UST: variants seen among roughly 807,000 people sequenced by gnomAD.
UST encodes the protein chondroitin sulfate 2-O-sulfotransferase.
Under a neutral mutation model 45.6 loss-of-function variants are expected in UST, and 21 were observed. That is an observed-to-expected ratio of 0.46 (90% confidence interval 0.33 to 0.66). UST has a LOEUF of 0.66. Among genes scored for constraint, UST ranks in the 30% least tolerant of loss-of-function variants. The pLI is 0.02. For synonymous variants in UST, 215 were observed against 200.6 expected (o/e 1.07, Z -0.61); for missense variants, 463 against 512.4 (o/e 0.90, Z 0.93).
At chr6:148,983,226 C>T (rs1781172051) in intron 5 of UST, among the ~76,000 whole-genome samples, 1 of 152,088 alleles carries the variant, frequency 6.6e-6, no homozygotes, top group African/African-American at 2.4e-5. Context: ...TCCCTTTTTG[C>T]AAGTGACAAA....
At chr6:148,797,227 T>C (rs1308297945) in intron 1 of UST, among the ~76,000 whole-genome samples, 1 of 152,136 alleles carries the variant, frequency 6.6e-6, no homozygotes, top group East Asian at 1.9e-4. Flanking sequence ...CAGTCAGCTA[T>C]GATCACACCA....
At chr6:149,040,168 G>C (rs1244938314) in intron 7 of UST, among the ~76,000 whole-genome samples, 1 of 152,154 alleles carries the variant, frequency 6.6e-6, no homozygotes, top group Non-Finnish European at 1.5e-5. Context: ...CGGTAACAAA[G>C]TTAAGTATTT....
chr6:148,946,639 G>A (rs1451760681), intron 3 of UST, among the ~76,000 whole-genome samples: 1 of 150,242 alleles, frequency 6.7e-6, no homozygotes, highest in Non-Finnish European at 1.5e-5. Flanking sequence ...GTGAAACCCT[G>A]TCTCTACTAA....
intron 1 of UST, among the ~76,000 whole-genome samples, chr6:148,761,136 C>T (rs1776209190): frequency 1.3e-5 from 2 of 152,174 alleles, no homozygotes; most frequent in Admixed American, 1.3e-4. Flanking sequence ...ACTTCAAGGC[C>T]CCCAGCGGGC....
Position 148,800,203 on chromosome 6 carries a change from C to T in UST, c.247+52526C>T, listed in dbSNP as rs148840472. Among the ~76,000 whole-genome samples, 555 of 152,214 alleles carry T rather than the reference C, an allele frequency of 3.6e-3. 1 individual carries two copies. The highest frequency in any genetic ancestry group is 5.9e-3 in the Admixed American group (90 of 15,288). ...TGGTGCTCTATGGGCAGTTACTGAC[C>T]CTCACTGGGTTTTTAAATCTGTAAG... On this transcript the variant is annotated intron_variant, in intron 1 of 7. Coordinates refer to ENST00000367463, the MANE Select transcript of UST (RefSeq NM_005715.3).
At chr6:148,966,944 G>A (rs1562315703) in intron 5 of UST, among the ~76,000 whole-genome samples, 1 of 152,116 alleles carries the variant, frequency 6.6e-6, no homozygotes, top group East Asian at 1.9e-4. Flanking sequence ...CACCATGTTG[G>A]CCAGGCTGGT....
At chr6:148,869,342 TAG>T (rs1461835591) in intron 1 of UST, among the ~76,000 whole-genome samples, 1 of 152,152 alleles carries the variant, frequency 6.6e-6, no homozygotes, top group African/African-American at 2.4e-5. Context: ...GAAATAGAAC[TAG>T]AGAGATGATA....
At chr6:148,832,595 A>G (rs1777710266) in intron 1 of UST, among the ~76,000 whole-genome samples, 1 of 152,216 alleles carries the variant, frequency 6.6e-6, no homozygotes. Context: ...ACTATCACAC[A>G]TTGAGTTGGT....
At chr6:148,896,487 T>C (rs1779133337) in intron 2 of UST, among the ~76,000 whole-genome samples, 1 of 152,232 alleles carries the variant, frequency 6.6e-6, no homozygotes, top group African/African-American at 2.4e-5. Flanking sequence ...TTCATTGTTC[T>C]GTAAAGAACA....
At chr6:148,942,156 G>A (rs1780139252) in intron 3 of UST, among the ~76,000 whole-genome samples, 1 of 152,148 alleles carries the variant, frequency 6.6e-6, no homozygotes, top group Admixed American at 6.5e-5. Context: ...AGTTGGGTTT[G>A]TCATCCTGGT....
At chr6:148,802,989 A>C (rs765946132) in intron 1 of UST, among the ~76,000 whole-genome samples, 1 of 152,182 alleles carries the variant, frequency 6.6e-6, no homozygotes, top group Non-Finnish European at 1.5e-5. Context: ...ATTTTATATT[A>C]TTGATGATGG....
rs1405252714 is a variant in UST, at chr6:149,017,821, C to T, written c.682-1318C>T. The stretch of plus-strand genomic sequence containing the variant: ...ATATACACACACACACACACACACA[C>T]ACACACACACACACACATCTGTCAG... On this transcript the variant is annotated intron_variant, in intron 5 of 7. Transcript: ENST00000367463. Among the ~76,000 whole-genome samples, 1,396 of 151,674 alleles carry T rather than the reference C, an allele frequency of 9.2e-3. 32 individuals carry two copies. Among genetic ancestry groups the T allele is most frequent in the African/African-American group, 0.033 (1,338 of 41,132 alleles).
chr6:148,925,266 G>T (rs11155607), intron 2 of UST, among the ~76,000 whole-genome samples: 42,730 of 152,060 alleles, frequency 0.28, 6,964 homozygotes, highest in African/African-American at 0.45. Context: ...GGACAGCAAC[G>T]GTCTGAGGGG....
chr6:148,833,455 C>G (rs1183567616), intron 1 of UST, among the ~76,000 whole-genome samples: 1 of 152,152 alleles, frequency 6.6e-6, no homozygotes, highest in Admixed American at 6.5e-5. Context: ...CGACTGCACT[C>G]CAGCCTGGGT....
chr6:148,849,372 A>C (rs1778061969), intron 1 of UST, among the ~76,000 whole-genome samples: 2 of 152,218 alleles, frequency 1.3e-5, no homozygotes. Flanking sequence ...AGTAGAAAAT[A>C]GTATATTTAT....
intron 1 of UST, among the ~76,000 whole-genome samples, chr6:148,782,634 A>G (rs1027628716): frequency 2.6e-5 from 4 of 152,112 alleles, no homozygotes; most frequent in Non-Finnish European, 4.4e-5. Flanking sequence ...TATTTTTAGT[A>G]GAGACAGGGT....
chr6:149,065,724 A>T (rs1396001446), intron 7 of UST, among the ~76,000 whole-genome samples: 2 of 152,236 alleles, frequency 1.3e-5, no homozygotes, highest in Non-Finnish European at 2.9e-5. Context: ...AATGTATATG[A>T]TGATCCAAAC....
chr6:149,041,388 A>G (rs1317212131), intron 7 of UST, among the ~76,000 whole-genome samples: 2 of 152,210 alleles, frequency 1.3e-5, no homozygotes, highest in Non-Finnish European at 2.9e-5. Flanking sequence ...AAGGCATGAG[A>G]TAGGAGCACA....
chr6:148,770,695 G>A (rs1046901016), intron 1 of UST, among the ~76,000 whole-genome samples: 3 of 152,146 alleles, frequency 2.0e-5, no homozygotes, highest in Non-Finnish European at 2.9e-5. Flanking sequence ...TTGCACCTTT[G>A]TTGTCACGTG....
Sources: allele counts gnomAD v4.1 joint callset (sites outside exome capture counted in the v4.1 genomes callset), GRCh38; gene constraint gnomAD v4.1.1; transcripts MANE v1.5; gene names NCBI Gene and HGNC (gene_info 2026-07-23, HGNC 2026-07-21).